Variants in CUL3 observed in about 807,000 individuals in gnomAD.
CUL3 encodes cullin-3.
Under a neutral mutation model 89.1 loss-of-function variants are expected in CUL3, and 19 were observed. The ratio of observed to expected loss-of-function variants is 0.21; its 90% CI spans 0.15 to 0.31. The LOEUF (loss-of-function observed/expected upper bound fraction) is 0.31. Among genes scored for constraint, CUL3 ranks in the 10% least tolerant of loss-of-function variants. The probability of loss-of-function intolerance (pLI) is 1.00; values close to 1 mark genes in which losing one functional copy is unlikely to be tolerated. For missense variants in CUL3, 469 were observed against 942.3 expected (o/e 0.50, Z 6.58); for synonymous variants, 351 against 308.4 (o/e 1.14, Z -1.45).
Position 224,471,933 on chromosome 2 carries a change from T to C in CUL3, c.*2312A>G, listed in dbSNP as rs907994985. 1.7e-5 allele frequency: 4 copies of C among 231,118 alleles called. No individual in the cohort carries two copies. The highest frequency in any genetic ancestry group is 6.6e-5 in the African/African-American group (3 of 45,272). 14.3% of individuals were successfully genotyped at this position (231,118 alleles called of 1,614,324 possible). ...AGGATGGAATGGTTAGGATGCATTTTTCTTTCAAATTAAAGCATTAAAAAC... is the reference window on the plus strand; with the variant it reads ...AGGATGGAATGGTTAGGATGCATTTCTCTTTCAAATTAAAGCATTAAAAAC... On this transcript the variant is annotated 3_prime_UTR_variant, in exon 16 of 16. Transcript: ENST00000264414.
In CUL3 at chr2:224,530,043, G is replaced by C. The variant is rs554508797; in HGVS notation, c.378+5485C>G. 6.6e-5 allele frequency among the ~76,000 whole-genome samples: 10 copies of C among 152,030 alleles called. No individual in the cohort carries two copies. The East Asian group carries it at 1.7e-3, about 27-fold the overall frequency. On this transcript the variant is annotated intron_variant, in intron 3 of 15. Coordinates refer to ENST00000264414, the MANE Select transcript of CUL3 (RefSeq NM_003590.5). ...CACGAGGTCAGGAGATCGAGACCATGATGGCTAACACAGTGAAACCCCGTC... is the reference window on the plus strand; with the variant it reads ...CACGAGGTCAGGAGATCGAGACCATCATGGCTAACACAGTGAAACCCCGTC...
chr2:224,497,548 G>A (rs553904929), intron 12 of CUL3, among the ~76,000 whole-genome samples: 1 of 152,122 alleles, frequency 6.6e-6, no homozygotes, highest in East Asian at 1.9e-4. Context: ...AGACTATACT[G>A]GTATAGTCTT....
intron 1 of CUL3, among the ~76,000 whole-genome samples, chr2:224,568,635 G>A (rs1048751533): frequency 6.6e-6 from 1 of 152,054 alleles, no homozygotes; most frequent in Non-Finnish European, 1.5e-5. Context: ...TTTACATCAA[G>A]CAATATTTTC....
At chr2:224,543,395 C>T (rs1694185519) in intron 2 of CUL3, among the ~76,000 whole-genome samples, 1 of 152,078 alleles carries the variant, frequency 6.6e-6, no homozygotes, top group Admixed American at 6.5e-5. Context: ...TATACCAGGA[C>T]ATTAAAAAGT....
intron 15 of CUL3, among the ~76,000 whole-genome samples, chr2:224,475,112 G>A (rs965246953): frequency 3.3e-5 from 5 of 152,214 alleles, no homozygotes; most frequent in South Asian, 2.1e-4. Context: ...CCGCCTCCCA[G>A]GTTCCCACCA....
At chr2:224,505,009 T>C (rs549425190) in intron 8 of CUL3, among the ~76,000 whole-genome samples, 44 of 152,196 alleles carry the variant, frequency 2.9e-4, no homozygotes, top group Non-Finnish European at 5.7e-4. Context: ...GTTTGACATA[T>C]AACCTTCAGA....
intron 1 of CUL3, among the ~76,000 whole-genome samples, chr2:224,570,130 A>G (rs1378581277): frequency 6.6e-6 from 1 of 152,154 alleles, no homozygotes; most frequent in Admixed American, 6.5e-5. Flanking sequence ...GCGTGGCACA[A>G]TGTATAGATA....
Position 224,511,391 on chromosome 2 carries a change from A to G in CUL3, c.846T>C (p.Ser282=). Residue 282 remains serine, a synonymous_variant, in exon 6 of 16, where the codon TCT becomes TCC. Transcript: ENST00000264414. ...CATTTTTCAACATATGTACTAGCCC[A>G]GAATTCTCCATTTCTACTATAGTCT... ...HMKTIVEMEN[S]GLVHMLKNGK... The G allele has an allele frequency of 3.1e-6, 5 of 1,613,296 alleles. No individual in the cohort carries two copies. Among genetic ancestry groups the G allele is most frequent in the Non-Finnish European group, 4.2e-6 (5 of 1,179,524 alleles).
At chr2:224,506,427 T>TA (rs1358803156) in intron 7 of CUL3, among the ~76,000 whole-genome samples, 4 of 152,122 alleles carry the variant, frequency 2.6e-5, no homozygotes, top group African/African-American at 9.7e-5. Context: ...TGAAAAAAAT[T>TA]AGCTTAAAAA....
Position 224,558,402 on chromosome 2 carries a change from C to A in CUL3, c.67-546G>T, listed in dbSNP as rs570070968. 3.3e-5 allele frequency among the ~76,000 whole-genome samples: 5 copies of A among 152,306 alleles called. No individual in the cohort carries two copies. In the East Asian group the frequency reaches 7.7e-4, roughly 24 times the overall value. On this transcript the variant is annotated intron_variant, in intron 1 of 15. Coordinates refer to ENST00000264414, the MANE Select transcript of CUL3 (RefSeq NM_003590.5). ...GATGATTTTATACCACCTCCTCCAT[C>A]CTCACTCTATGATTATGACTGCTTC...
At chr2:224,552,713 C>A (rs976850458) in intron 2 of CUL3, among the ~76,000 whole-genome samples, 3 of 152,142 alleles carry the variant, frequency 2.0e-5, no homozygotes, top group African/African-American at 7.2e-5. Flanking sequence ...CCTTGGAATT[C>A]TTCAATGTGA....
At chr2:224,546,587 A>C (rs1336243873) in intron 2 of CUL3, among the ~76,000 whole-genome samples, 1 of 152,166 alleles carries the variant, frequency 6.6e-6, no homozygotes, top group Admixed American at 6.5e-5. Flanking sequence ...GAGGAGACAC[A>C]AAGATAAATG....
Position 224,577,859 on chromosome 2 carries a change from A to C in CUL3, c.66+7085T>G, listed in dbSNP as rs191467509. Among the ~76,000 whole-genome samples, 5 of 152,310 alleles carry C rather than the reference A, an allele frequency of 3.3e-5. No individual in the cohort carries two copies. In the East Asian group the frequency reaches 9.6e-4, roughly 29 times the overall value. ...ATACTGCTACACAGAAGTTAAACGGATACAACCTTGAGAAATATAATTAAT... is the reference window on the plus strand; with the variant it reads ...ATACTGCTACACAGAAGTTAAACGGCTACAACCTTGAGAAATATAATTAAT... On this transcript the variant is annotated intron_variant, in intron 1 of 15. Transcript: ENST00000264414.
At chr2:224,511,657 GT>G in intron 5 of CUL3, 75 bp from the exon 6 acceptor site, 1 of 781,068 alleles carries the variant, frequency 1.3e-6, no homozygotes, top group Non-Finnish European at 2.0e-6. Flanking sequence ...GGTTTCTACA[GT>G]GTTTATAATA....
chr2:224,510,025 T>C (rs773961408), intron 6 of CUL3, among the ~76,000 whole-genome samples: 1 of 152,316 alleles, frequency 6.6e-6, no homozygotes, highest in Non-Finnish European at 1.5e-5. Flanking sequence ...AAAAATTATA[T>C]GAAATTCAAG....
intron 1 of CUL3, among the ~76,000 whole-genome samples, chr2:224,583,979 G>A (rs1309808181): frequency 2.0e-5 from 3 of 152,158 alleles, no homozygotes; most frequent in African/African-American, 7.2e-5. Flanking sequence ...CGTCTGTCTT[G>A]ACGTATGCCT....
At chr2:224,519,593 C>T (rs1428607286) in intron 3 of CUL3, among the ~76,000 whole-genome samples, 1 of 152,030 alleles carries the variant, frequency 6.6e-6, no homozygotes, top group Non-Finnish European at 1.5e-5. Context: ...GGAGAAGAAA[C>T]ACAGAAACTT....
chr2:224,496,586 T>C (rs373366257), intron 12 of CUL3, among the ~76,000 whole-genome samples: 6 of 152,170 alleles, frequency 3.9e-5, no homozygotes, highest in African/African-American at 1.4e-4. Context: ...ATGATAATAA[T>C]AATAGACTTA....
chr2:224,509,595 G>A (rs1692736394), intron 6 of CUL3, among the ~76,000 whole-genome samples: 1 of 152,202 alleles, frequency 6.6e-6, no homozygotes, highest in South Asian at 2.1e-4. Flanking sequence ...CTAAATAAAG[G>A]AGAACTCTGG....
Sources: allele counts gnomAD v4.1 joint callset (sites outside exome capture counted in the v4.1 genomes callset), GRCh38; gene constraint gnomAD v4.1.1; transcripts MANE v1.5; gene names NCBI Gene and HGNC (gene_info 2026-07-23, HGNC 2026-07-21).